The following ANKRD26 variants were observed in gnomAD, a reference collection of about 807,000 sequenced individuals.
The protein encoded by ANKRD26 is ankyrin repeat domain 26, also known as ankyrin repeat domain-containing protein 26.
Under a neutral mutation model 208.7 loss-of-function variants are expected in ANKRD26, and 141 were observed. That is an observed-to-expected ratio of 0.68 (90% CI 0.59 to 0.78). The LOEUF (loss-of-function observed/expected upper bound fraction) is 0.78. ANKRD26 is among the 30% of genes least tolerant of loss of function. The pLI is 0.00. For missense variants in ANKRD26, 1,889 were observed against 1,938.7 expected, an observed-to-expected ratio of 0.97 and a Z score of 0.48; for synonymous variants, 636 against 660.4, an observed-to-expected ratio of 0.96 and a Z score of 0.57.
At chr10:27,038,204 T>A in intron 21 of ANKRD26, 150 bp from the exon 22 acceptor site, 1 of 701,090 alleles carries the variant, frequency 1.4e-6, no homozygotes, top group Non-Finnish European at 2.3e-6. Flanking sequence ...GATTTTTAAT[T>A]TCTCACTTCA....
At chr10:27,038,845 T>C (rs554116799) in intron 21 of ANKRD26, among the ~76,000 whole-genome samples, 1 of 152,272 alleles carries the variant, frequency 6.6e-6, no homozygotes, top group African/African-American at 2.4e-5. Flanking sequence ...GATGCTTTCA[T>C]ACAACATATA....
Position 27,034,788 on chromosome 10 carries a change from A to C in ANKRD26, c.3654+8T>G. On this transcript the variant is annotated splice_region_variant and intron_variant, in intron 24 of 33. Transcript: ENST00000376087. ...GTTTGAAAAATATTTATCTTTCTTG[A>C]TACTTACTTCTCTTTCTGCCTTTTC... The C allele has an allele frequency of 6.3e-7, 1 of 1,576,574 alleles. No individual in the cohort carries two copies. Among genetic ancestry groups the C allele is most frequent in the South Asian group, 1.1e-5 (1 of 87,636 alleles).
At chr10:27,092,603 CATATAAA>C (rs1003890296) in intron 3 of ANKRD26, 91 bp from the exon 4 acceptor site, 1 of 946,568 alleles carries the variant, frequency 1.1e-6, no homozygotes, top group African/African-American at 1.7e-5. Flanking sequence ...TGAACTGAAA[CATATAAA>C]ATAGAAAACA....
chr10:27,087,978 G>T (rs1248026717), intron 4 of ANKRD26, among the ~76,000 whole-genome samples: 1 of 151,896 alleles, frequency 6.6e-6, no homozygotes, highest in East Asian at 1.9e-4. Context: ...TACCAATGGG[G>T]TCTTGCTATG....
In ANKRD26 at chr10:27,005,268, A is replaced by C. The variant is rs375997697; in HGVS notation, c.*322T>G. 4 of 1,077,588 alleles carry C rather than the reference A, an allele frequency of 3.7e-6. No individual in the cohort carries two copies. In the African/African-American group the frequency reaches 6.8e-5, roughly 18 times the overall value. 66.8% of individuals were successfully genotyped at this position (1,077,588 alleles called of 1,614,324 possible). A position where few individuals can be genotyped will look rare whatever the true frequency, so the allele number is the denominator to read the frequency against. ...AGTCCAATTAGACATCTACCACTAC[A>C]TATAGTGATAAAAATTACAAAATAC... On this transcript the variant is annotated 3_prime_UTR_variant, in exon 34 of 34. Coordinates refer to ENST00000376087, the MANE Select transcript of ANKRD26 (RefSeq NM_014915.3).
In ANKRD26 at chr10:27,048,686, T is replaced by G. The variant is rs1589280608; in HGVS notation, c.1814+115A>C. ...CATTTTTCTAATTGCAAGGCAAGGT[T>G]GCATATCCCTTGCATAGTAAAAGTA... On this transcript the variant is annotated intron_variant, in intron 17 of 33. Coordinates refer to ENST00000376087, the MANE Select transcript of ANKRD26 (RefSeq NM_014915.3). The G allele has an allele frequency of 4.4e-5, 46 of 1,042,816 alleles. No homozygotes were observed. In the South Asian group the frequency reaches 7.3e-4, roughly 17 times the overall value. 64.6% of individuals were successfully genotyped at this position (1,042,816 alleles called of 1,614,324 possible).
rs781653711 is a variant in ANKRD26, at chr10:27,061,198, T to TA, written c.1407dup (p.Lys470Ter). On this transcript the variant is annotated frameshift_variant, in exon 13 of 34. Transcript: ENST00000376087. LOFTEE classifies it high-confidence loss of function. ...CTTGTATCCTCTAGTTTAGCCATCT[T>TA]AAAGTTTCTTGATCCACTCATGCAA... The TA allele has an allele frequency of 6.2e-7, 1 of 1,612,612 alleles. No individual in the cohort carries two copies. The highest frequency in any genetic ancestry group is 1.1e-5 in the South Asian group (1 of 91,052).
chr10:27,082,025 C>A (rs141136339), intron 6 of ANKRD26, among the ~76,000 whole-genome samples: 1 of 144,520 alleles, frequency 6.9e-6, no homozygotes, highest in Non-Finnish European at 1.5e-5. Context: ...TGTGAGCCAC[C>A]ACGCCCAGCC....
At chr10:26,989,568 T>G (rs1407431624), downstream of ANKRD26, among the ~76,000 whole-genome samples, 1 of 152,148 alleles carries the variant, frequency 6.6e-6, no homozygotes, top group East Asian at 1.9e-4. Flanking sequence ...AACAGTAAAT[T>G]CTTTATGCTT....
chr10:27,098,688 A>G (rs1589389120), intron 1 of ANKRD26, among the ~76,000 whole-genome samples: 1 of 151,860 alleles, frequency 6.6e-6, no homozygotes, highest in Non-Finnish European at 1.5e-5. Flanking sequence ...AGCTGGGACT[A>G]CAGGCGCCCG....
At chr10:27,098,482 T>C (rs2056537253) in intron 1 of ANKRD26, among the ~76,000 whole-genome samples, 1 of 152,100 alleles carries the variant, frequency 6.6e-6, no homozygotes, top group Admixed American at 6.5e-5. Context: ...TTATACATAC[T>C]CATTGCAGAA....
At chr10:27,023,375 T>C (rs1312201829) in intron 28 of ANKRD26, among the ~76,000 whole-genome samples, 2 of 150,014 alleles carry the variant, frequency 1.3e-5, no homozygotes, top group African/African-American at 4.9e-5. Context: ...CACATACTTA[T>C]ACATGAATGG....
At chr10:26,961,366 A>T in the ANKRD26 span, among the ~76,000 whole-genome samples, 1 of 152,314 alleles carries the variant, frequency 6.6e-6, no homozygotes, top group South Asian at 2.1e-4. Flanking sequence ...TCTGTCCCCA[A>T]CTTTGAATCA....
chr10:26,970,390 T>C (rs903478921), downstream of ANKRD26, among the ~76,000 whole-genome samples: 2 of 152,262 alleles, frequency 1.3e-5, no homozygotes, highest in East Asian at 1.9e-4. Context: ...ATAGTGAGTG[T>C]CTTCTTGTGA....
chr10:27,085,387 C>T (rs996372167), intron 5 of ANKRD26, among the ~76,000 whole-genome samples: 1 of 152,170 alleles, frequency 6.6e-6, no homozygotes, highest in Admixed American at 6.5e-5. Flanking sequence ...GCGTGAGCCA[C>T]CGCACCTGGC....
chr10:26,958,778 T>C, the ANKRD26 span, among the ~76,000 whole-genome samples: 2 of 152,178 alleles, frequency 1.3e-5, no homozygotes, highest in Non-Finnish European at 1.5e-5. Context: ...CATACACGTC[T>C]ATGTCTCTTT....
chr10:27,003,997 T>A (rs1339488271), downstream of ANKRD26: 2 of 152,212 alleles, frequency 1.3e-5, no homozygotes, highest in African/African-American at 4.8e-5. Flanking sequence ...GATATTAACA[T>A]TGAACCAGTG....
intron 27 of ANKRD26, 150 bp from the exon 28 acceptor site, chr10:27,024,709 A>G (rs1424929056): frequency 2.2e-6 from 1 of 453,210 alleles, no homozygotes; most frequent in Non-Finnish European, 3.9e-6. Context: ...CGGATTTGAA[A>G]AAATGACTTT....
intron 4 of ANKRD26, among the ~76,000 whole-genome samples, chr10:26,996,368 TG>T (rs1446260334): frequency 1.3e-5 from 2 of 152,136 alleles, no homozygotes; most frequent in Admixed American, 1.3e-4. Flanking sequence ...AAGACCATCC[TG>T]GCCAACATGG....
Sources: gnomAD v4.1 joint callset for allele counts (sites outside exome capture counted in the v4.1 genomes callset) on GRCh38, gnomAD v4.1.1 for gene constraint, MANE v1.5 for transcripts, NCBI Gene and HGNC (gene_info 2026-07-23, HGNC 2026-07-21) for gene names.